Variants in NEGR1 observed in about 807,000 individuals in gnomAD.
The protein encoded by NEGR1 is neuronal growth regulator 1.
NEGR1 carries 10 observed loss-of-function variants against 40.9 expected under a neutral mutation model. That is an observed-to-expected ratio of 0.24 (90% CI 0.15 to 0.42). The LOEUF (loss-of-function observed/expected upper bound fraction) is 0.42. NEGR1 is among the 10% of genes least tolerant of loss of function. The probability of loss-of-function intolerance (pLI) is 1.00; values close to 1 mark genes in which losing one functional copy is unlikely to be tolerated. For synonymous variants in NEGR1, 185 were observed against 166.8 expected (o/e 1.11, Z -0.84); for missense variants, 352 against 438.9 (o/e 0.80, Z 1.77).
chr1:71,422,878 A>C (rs1388402101), intron 6 of NEGR1: 2 of 150,870 alleles, frequency 1.3e-5, no homozygotes, highest in African/African-American at 4.9e-5. Context: ...TTTATATTGA[A>C]CATTTTGAGT....
At chr1:72,026,378 T>C (rs1014744630) in intron 1 of NEGR1, among the ~76,000 whole-genome samples, 13 of 151,660 alleles carry the variant, frequency 8.6e-5, no homozygotes, top group Non-Finnish European at 1.5e-4. Flanking sequence ...GCTACCTTTT[T>C]TTTTTTTTCT....
chr1:71,630,349 C>A (rs1052665762), intron 4 of NEGR1, among the ~76,000 whole-genome samples: 1 of 151,812 alleles, frequency 6.6e-6, no homozygotes, highest in African/African-American at 2.4e-5. Context: ...AGCAAGATGT[C>A]CTGCTTCTGT....
In NEGR1 at chr1:71,579,103, A is replaced by G. The variant is rs144125289; in HGVS notation, c.940+13714T>C. 3.2e-3 allele frequency among the ~76,000 whole-genome samples: 480 copies of G among 152,254 alleles called. 1 individual carries two copies. The highest frequency in any genetic ancestry group is 0.01 in the African/African-American group (433 of 41,566). ...AAAGCTAGCAATAGTATATGAAAAT[A>G]TGTTTTTGGCTCATATCATTTCTGC... On this transcript the variant is annotated intron_variant, in intron 6 of 6. Coordinates refer to ENST00000357731, the MANE Select transcript of NEGR1 (RefSeq NM_173808.3).
chr1:71,740,810 G>A (rs1232348773), intron 3 of NEGR1, among the ~76,000 whole-genome samples: 1 of 152,048 alleles, frequency 6.6e-6, no homozygotes, highest in Non-Finnish European at 1.5e-5. Context: ...ACTAGTACTT[G>A]CATTGCCTTC....
chr1:71,981,861 T>A (rs1350672435), intron 1 of NEGR1, among the ~76,000 whole-genome samples: 1 of 152,190 alleles, frequency 6.6e-6, no homozygotes, highest in Non-Finnish European at 1.5e-5. Context: ...ACAGTTTATA[T>A]TCATGATATG....
intron 6 of NEGR1, among the ~76,000 whole-genome samples, chr1:71,426,278 G>A (rs1223898648): frequency 6.6e-6 from 1 of 152,138 alleles, no homozygotes; most frequent in Admixed American, 6.5e-5. Flanking sequence ...ATAGAAGAAT[G>A]GATGAAATGA....
chr1:71,450,098 A>C (rs1569886685), intron 6 of NEGR1, among the ~76,000 whole-genome samples: 1 of 150,462 alleles, frequency 6.6e-6, no homozygotes, highest in Non-Finnish European at 1.5e-5. Context: ...TCAAGCGATT[A>C]TCCTGCCTCA....
intron 1 of NEGR1, among the ~76,000 whole-genome samples, chr1:72,058,896 T>C (rs1192517456): frequency 6.6e-6 from 1 of 151,692 alleles, no homozygotes; most frequent in Non-Finnish European, 1.5e-5. Flanking sequence ...TGTAAAATGA[T>C]TGTATGTGTA....
intron 1 of NEGR1, among the ~76,000 whole-genome samples, chr1:71,963,849 C>A (rs905103658): frequency 6.6e-6 from 1 of 152,078 alleles, no homozygotes; most frequent in African/African-American, 2.4e-5. Context: ...GGAAACCTAT[C>A]ACTAGAATTT....
rs1304068023 is a variant in NEGR1 at position 71,703,971 on chromosome 1, AAG to A, written c.536-5834_536-5833del. On this transcript the variant is annotated intron_variant, in intron 3 of 6. Transcript: ENST00000357731. ...TAATCATGTCAAAGAAAAGTAGACA[AAG>A]AAATAAAAATCATACAAAAGAATAT... Among the ~76,000 whole-genome samples the A allele has an allele frequency of 5.3e-5, 8 of 152,130 alleles. No homozygotes were observed. In the South Asian group the frequency reaches 1.7e-3, roughly 31 times the overall value.
intron 1 of NEGR1, among the ~76,000 whole-genome samples, chr1:72,256,463 A>G (rs1258973437): frequency 6.6e-6 from 1 of 152,218 alleles, no homozygotes; most frequent in African/African-American, 2.4e-5. Flanking sequence ...TTGTGTATCA[A>G]GTTTATCTAG....
At chr1:71,756,394 C>CAAAAAAAAAAAAAAAAAAAA in intron 3 of NEGR1, among the ~76,000 whole-genome samples, 1 of 58,600 alleles carries the variant, frequency 1.7e-5, no homozygotes. Flanking sequence ...CTCAAAAAAA[C>CAAAAAAAAAAAAAAAAAAAA]AAAAAACAAA....
chr1:72,052,253 C>G (rs552590583), intron 1 of NEGR1, among the ~76,000 whole-genome samples: 1 of 151,252 alleles, frequency 6.6e-6, no homozygotes, highest in Non-Finnish European at 1.5e-5. Flanking sequence ...AGAAAAATGC[C>G]TTTGGGCCCT....
intron 3 of NEGR1, among the ~76,000 whole-genome samples, chr1:71,702,750 A>G (rs917696953): frequency 1.3e-5 from 2 of 148,906 alleles, no homozygotes; most frequent in South Asian, 2.1e-4. Context: ...AAACACTTTC[A>G]GACATTGGAC....
intron 4 of NEGR1, among the ~76,000 whole-genome samples, chr1:71,651,323 T>C (rs1651710079): frequency 6.6e-6 from 1 of 152,124 alleles, no homozygotes; most frequent in Non-Finnish European, 1.5e-5. Context: ...AGGATCAGAA[T>C]GTTACTTGTA....
chr1:71,772,334 G>T (rs1032254634), intron 3 of NEGR1, among the ~76,000 whole-genome samples: 1 of 151,986 alleles, frequency 6.6e-6, no homozygotes, highest in African/African-American at 2.4e-5. Flanking sequence ...AATCCAGGAG[G>T]TGGAGGTTGC....
intron 1 of NEGR1, among the ~76,000 whole-genome samples, chr1:72,026,964 C>T (rs1259902056): frequency 6.6e-6 from 1 of 151,828 alleles, no homozygotes; most frequent in Non-Finnish European, 1.5e-5. Context: ...CTTGCTCTGT[C>T]GCCCAGGCTG....
In NEGR1 at chr1:71,741,181, C is replaced by G. The variant is rs145055691; in HGVS notation, c.535+34991G>C. On this transcript the variant is annotated intron_variant, in intron 3 of 6. Coordinates refer to ENST00000357731, the MANE Select transcript of NEGR1 (RefSeq NM_173808.3). ...AGTCTGGGGTTGATCTGTTAATTCTCCATTTGGTCCCTCTTGAGCTGGAGG... is the reference window on the plus strand; with the variant it reads ...AGTCTGGGGTTGATCTGTTAATTCTGCATTTGGTCCCTCTTGAGCTGGAGG... Among the ~76,000 whole-genome samples the G allele has an allele frequency of 2.9e-3, 443 of 152,290 alleles. 14 individuals carry two copies. Among genetic ancestry groups the G allele is most frequent in the Admixed American group, 0.023 (350 of 15,280 alleles).
chr1:72,005,582 T>C (rs1265757178), intron 1 of NEGR1, among the ~76,000 whole-genome samples: 1 of 152,228 alleles, frequency 6.6e-6, no homozygotes, highest in Non-Finnish European at 1.5e-5. Context: ...AAAGAGTATT[T>C]CTAAAATTTT....
Sources: allele counts gnomAD v4.1 joint callset (sites outside exome capture counted in the v4.1 genomes callset), GRCh38; gene constraint gnomAD v4.1.1; transcripts MANE v1.5; gene names NCBI Gene and HGNC (gene_info 2026-07-23, HGNC 2026-07-21).